The following N4BP1 variants were observed in gnomAD, a reference collection of about 807,000 sequenced individuals.
N4BP1 encodes NEDD4-binding protein 1.
A neutral mutation model predicts 70.9 loss-of-function variants in N4BP1; 21 were observed. That is an observed-to-expected ratio of 0.30 (90% CI 0.21 to 0.43). N4BP1 has a LOEUF of 0.43. Among genes scored for constraint, N4BP1 ranks in the 20% least tolerant of loss-of-function variants. The pLI is 1.00. For missense variants in N4BP1, 936 were observed against 1,069.4 expected, an observed-to-expected ratio of 0.88 and a Z score of 1.74; for synonymous variants, 387 against 394.6, an observed-to-expected ratio of 0.98 and a Z score of 0.23.
chr16:48,559,732 A>C (rs871903), intron 2 of N4BP1: 61,858 of 152,044 alleles, frequency 0.41, 13,612 homozygotes, highest in African/African-American at 0.57. Flanking sequence ...CTGCAGGGCA[A>C]TTCCCTTTTC....
chr16:48,563,443 A>T (rs1963890908), intron 1 of N4BP1, among the ~76,000 whole-genome samples: 1 of 151,084 alleles, frequency 6.6e-6, no homozygotes, highest in Non-Finnish European at 1.5e-5. Context: ...GTTTTGTTCT[A>T]GTCACCCAGG....
chr16:48,541,047 G>C lies in N4BP1; in HGVS notation c.*1857C>G, dbSNP rs1963490940. 6.6e-6 allele frequency: 1 copy of C among 152,260 alleles called. No individual in the cohort carries two copies. Among genetic ancestry groups the C allele is most frequent in the African/African-American group, 2.4e-5 (1 of 41,456 alleles). The allele number at this position is 152,260 out of a possible 1,614,324, so 9.4% of individuals were successfully genotyped here. A position where few individuals can be genotyped will look rare whatever the true frequency, so the allele number is the denominator to read the frequency against. On this transcript the variant is annotated 3_prime_UTR_variant, in exon 7 of 7. Transcript: ENST00000262384. ...GAACTCAAACATCAAAGGTCAAGTA[G>C]CTTCTAGCCAGGAAAAGTGGTGGCC...
chr16:48,551,501 G>A lies in N4BP1; in HGVS notation c.2021-19C>T. On this transcript the variant is annotated intron_variant, in intron 3 of 6. Transcript: ENST00000262384. ...TGCTGTTCTGTTCATGGAATAAGTT[G>A]AATATACATTCAGAAAAGGGCTATC... 1.9e-6 allele frequency: 3 copies of A among 1,549,402 alleles called. No individual in the cohort carries two copies. Among genetic ancestry groups the A allele is most frequent in the Non-Finnish European group, 2.7e-6 (3 of 1,129,032 alleles).
chr16:48,608,635 T>A (rs1166138141), intron 1 of N4BP1, among the ~76,000 whole-genome samples: 1 of 151,832 alleles, frequency 6.6e-6, no homozygotes, highest in Non-Finnish European at 1.5e-5. Flanking sequence ...AGCAACATAC[T>A]GTGTTGCTTT....
chr16:48,541,504 A>G lies in N4BP1; in HGVS notation c.*1400T>C, dbSNP rs1319536393. Reference sequence around the variant, plus strand: ...ACGCAGTGATCAAACAAAACCAAGAAGCAGGCCTGGAGGGAGCACTCTGGG... The same window carrying G: ...ACGCAGTGATCAAACAAAACCAAGAGGCAGGCCTGGAGGGAGCACTCTGGG... On this transcript the variant is annotated 3_prime_UTR_variant, in exon 7 of 7. Coordinates refer to ENST00000262384, the MANE Select transcript of N4BP1 (RefSeq NM_153029.4). The G allele has an allele frequency of 6.6e-6, 1 of 152,376 alleles. No individual in the cohort carries two copies. The highest frequency in any genetic ancestry group is 1.5e-5 in the Non-Finnish European group (1 of 68,160). 9.4% of individuals were successfully genotyped at this position (152,376 alleles called of 1,614,324 possible). A position where few individuals can be genotyped will look rare whatever the true frequency, so the allele number is the denominator to read the frequency against.
intron 1 of N4BP1, among the ~76,000 whole-genome samples, chr16:48,594,950 T>C (rs1038401863): frequency 1.3e-5 from 2 of 152,170 alleles, no homozygotes; most frequent in African/African-American, 4.8e-5. Flanking sequence ...AAGATGGTTT[T>C]ATAATTAGCT....
intron 1 of N4BP1, chr16:48,603,695 CA>C: frequency 6.6e-6 from 1 of 152,276 alleles, no homozygotes; most frequent in African/African-American, 2.4e-5. Context: ...CCCTCAGAGT[CA>C]TCCTCAGAAT....
intron 1 of N4BP1, among the ~76,000 whole-genome samples, chr16:48,584,616 A>AAC (rs1964216856): frequency 1.3e-5 from 2 of 152,164 alleles, no homozygotes; most frequent in South Asian, 2.1e-4. Flanking sequence ...AGGACAAAAA[A>AAC]AAACAAACCC....
At chr16:48,586,077 C>T (rs796416760) in intron 1 of N4BP1, among the ~76,000 whole-genome samples, 15 of 152,310 alleles carry the variant, frequency 9.8e-5, no homozygotes, top group African/African-American at 3.6e-4. Flanking sequence ...AACTTCAAGA[C>T]TTTGGCTAGA....
intron 4 of N4BP1, among the ~76,000 whole-genome samples, chr16:48,549,581 C>T (rs1049571563): frequency 6.6e-6 from 1 of 152,200 alleles, no homozygotes; most frequent in Admixed American, 6.5e-5. Flanking sequence ...TTCCATTCCG[C>T]CTTCTAGTAC....
At chr16:48,563,199 C>CA (rs1963886061) in intron 1 of N4BP1, among the ~76,000 whole-genome samples, 1 of 151,624 alleles carries the variant, frequency 6.6e-6, no homozygotes, top group South Asian at 2.1e-4. Flanking sequence ...CCCATTTCTA[C>CA]AAAAAATAAG....
At chr16:48,560,039 C>A (rs1417725773) in intron 2 of N4BP1, among the ~76,000 whole-genome samples, 1 of 152,062 alleles carries the variant, frequency 6.6e-6, no homozygotes, top group Non-Finnish European at 1.5e-5. Flanking sequence ...AACAGCTGGT[C>A]CACAGTGCAG....
chr16:48,548,093 G>T lies in N4BP1; in HGVS notation c.2139C>A (p.Asp713Glu), dbSNP rs750158798. The change falls in exon 5 of 7, where the codon GAC becomes GAA. Residue 713 changes from aspartate to glutamate, a missense_variant. Asp to Glu is a conservative substitution (Grantham distance 45). Around this residue, in one of 4 missense-constraint regions of N4BP1, gnomAD observed 229 missense variants for 343.5 expected, o/e 0.67. Coordinates refer to ENST00000262384, the MANE Select transcript of N4BP1 (RefSeq NM_153029.4). ...TTGTCACAATTATGCCACCAGTTTTGTCCGCTAAGTGTAGTAGAAACCTAT... is the reference window on the plus strand; with the variant it reads ...TTGTCACAATTATGCCACCAGTTTTTTCCGCTAAGTGTAGTAGAAACCTAT... ...HDDRFLLHLA[D>E]KTGGIIVTND... The T allele has an allele frequency of 9.9e-6, 16 of 1,611,636 alleles. No individual in the cohort carries two copies. Among genetic ancestry groups the T allele is most frequent in the Non-Finnish European group, 1.3e-5 (15 of 1,177,798 alleles).
In N4BP1 at chr16:48,609,759, C is replaced by T; in HGVS notation, c.198+16G>A. ...GATCGAGGCCGCGGGCGCGCGGGGG[C>T]GGCGGCCGGACTCACCTTGGCGCTG... On this transcript the variant is annotated intron_variant, in intron 1 of 6. Transcript: ENST00000262384. The T allele has an allele frequency of 7.5e-7, 1 of 1,335,494 alleles. No individual in the cohort carries two copies. The highest frequency in any genetic ancestry group is 3.9e-5 in the Admixed American group (1 of 25,488). 82.7% of individuals were successfully genotyped at this position (1,335,494 alleles called of 1,614,324 possible).
intron 2 of N4BP1, 59 bp from the exon 3 acceptor site, chr16:48,553,728 G>A: frequency 7.4e-7 from 1 of 1,342,994 alleles, no homozygotes; most frequent in South Asian, 1.7e-5. Flanking sequence ...AGCACAGTAA[G>A]TTTCACCATG....
chr16:48,565,996 T>A (rs1169566889), intron 1 of N4BP1, among the ~76,000 whole-genome samples: 1 of 152,200 alleles, frequency 6.6e-6, no homozygotes, highest in African/African-American at 2.4e-5. Flanking sequence ...GTTTGCAGCT[T>A]CTCTCATCTT....
chr16:48,548,151 G>A (rs776035895), intron 4 of N4BP1, 37 bp from the exon 5 acceptor site: 11 of 1,179,716 alleles, frequency 9.3e-6, no homozygotes, highest in Non-Finnish European at 1.3e-5. Context: ...TCAGCAACAG[G>A]CATCCTTGGC....
intron 1 of N4BP1, among the ~76,000 whole-genome samples, chr16:48,592,340 A>C (rs1232842068): frequency 6.6e-6 from 1 of 152,206 alleles, no homozygotes; most frequent in Non-Finnish European, 1.5e-5. Context: ...CCTTTTGAAA[A>C]TCCAGGATGC....
intron 4 of N4BP1, among the ~76,000 whole-genome samples, chr16:48,549,763 C>G (rs1963639499): frequency 6.6e-6 from 1 of 152,168 alleles, no homozygotes. Context: ...TGGTCCCAAG[C>G]CCCCCATCCC....
Sources: gnomAD v4.1 joint callset for allele counts (sites outside exome capture counted in the v4.1 genomes callset) on GRCh38, gnomAD v4.1.1 for gene constraint, gnomAD v4.1.1 regional missense constraint, MANE v1.5 for transcripts, NCBI Gene and HGNC (gene_info 2026-07-23, HGNC 2026-07-21) for gene names.